The following IMPG2 variants were observed in gnomAD, a reference collection of about 807,000 sequenced individuals.
IMPG2 encodes interphotoreceptor matrix proteoglycan 2, also known as IPM 200.
Under a neutral mutation model 129.2 loss-of-function variants are expected in IMPG2, and 91 were observed. That is an observed-to-expected ratio of 0.70 (90% confidence interval 0.59 to 0.84). The LOEUF is 0.84. Ranked by LOEUF, IMPG2 falls within the 40% of genes least tolerant of loss-of-function variation. The pLI is 0.00. For synonymous variants in IMPG2, 510 were observed against 517.7 expected (o/e 0.99, Z 0.20); for missense variants, 1,430 against 1,461.7 (o/e 0.98, Z 0.35).
At chr3:101,320,033 T>A (rs1286134872) in intron 1 of IMPG2, among the ~76,000 whole-genome samples, 2 of 152,134 alleles carry the variant, frequency 1.3e-5, no homozygotes, top group African/African-American at 4.8e-5. Flanking sequence ...CATTCAAGAT[T>A]GTTATCAAAA....
At position 101,301,376 on chromosome 3, in the gene IMPG2, C is replaced by A. The variant is rs183416542; in HGVS notation, c.501+2770G>T. Among the ~76,000 whole-genome samples, 164 of 152,250 alleles carry A rather than the reference C, an allele frequency of 1.1e-3. No homozygotes were observed. The South Asian group carries it at 0.013, about 12-fold the overall frequency. On this transcript the variant is annotated intron_variant, in intron 3 of 18. Coordinates refer to ENST00000193391, the MANE Select transcript of IMPG2 (RefSeq NM_016247.4). ...TTGCTTGACACAGGGTTGTCATAAA[C>A]CTTTGATTTGTAAAAAATGCAGTAT...
Position 101,245,919 on chromosome 3 carries a change from G to T in IMPG2, c.1426C>A (p.Pro476Thr), listed in dbSNP as rs1387493597. Residue 476 changes from proline (P) to threonine (T), a missense_variant, in exon 12 of 19, where the codon CCA becomes ACA. Transcript: ENST00000193391. ...FPSKMGLSSS[P>T]EVLEVSSLTL... ...AAGCTGCTAACCTCTAAAACCTCTG[G>T]GGAAGAGCTGAGGCCCATCTTCGAG... 1 of 1,614,140 alleles carries T rather than the reference G, an allele frequency of 6.2e-7. No individual in the cohort carries two copies. Among genetic ancestry groups the T allele is most frequent in the Admixed American group, 1.7e-5 (1 of 60,006 alleles).
intron 12 of IMPG2, among the ~76,000 whole-genome samples, chr3:101,245,535 C>T (rs920454260): frequency 6.6e-6 from 1 of 152,142 alleles, no homozygotes; most frequent in African/African-American, 2.4e-5. Flanking sequence ...TTTAACTAAA[C>T]TATATACCCT....
chr3:101,268,439 G>A (rs756103100), intron 8 of IMPG2, among the ~76,000 whole-genome samples: 9 of 152,136 alleles, frequency 5.9e-5, no homozygotes, highest in Non-Finnish European at 1.2e-4. Context: ...ATGAGACTAG[G>A]TAAGTAGGAC....
chr3:101,277,118 C>T (rs1007512789), intron 4 of IMPG2, among the ~76,000 whole-genome samples: 1 of 152,174 alleles, frequency 6.6e-6, no homozygotes, highest in African/African-American at 2.4e-5. Flanking sequence ...AAGTTAAAAA[C>T]TCAGTTCCTC....
intron 12 of IMPG2, among the ~76,000 whole-genome samples, chr3:101,245,504 C>T (rs1378533464): frequency 6.6e-6 from 1 of 152,152 alleles, no homozygotes; most frequent in Non-Finnish European, 1.5e-5. Flanking sequence ...TAAAGTGGCT[C>T]TTTAATAGTA....
rs200046952 is a variant in IMPG2, at chr3:101,319,846, G to C, written c.86-14C>G. 6.2e-7 allele frequency: 1 copy of C among 1,608,264 alleles called. No individual in the cohort carries two copies. Among genetic ancestry groups the C allele is most frequent in the African/African-American group, 1.3e-5 (1 of 74,954 alleles). ...AGTAGGTTTGTGCTACAGAGTGAAA[G>C]TATAGTCAAGTCTTCGATAATGAAG... On this transcript the variant is annotated splice_polypyrimidine_tract_variant and intron_variant, in intron 1 of 18. Transcript: ENST00000193391.
chr3:101,301,777 T>G (rs1707141822), intron 3 of IMPG2, among the ~76,000 whole-genome samples: 1 of 152,210 alleles, frequency 6.6e-6, no homozygotes, highest in Admixed American at 6.5e-5. Context: ...TTTATCCTCT[T>G]TGGCCTGGAG....
intron 10 of IMPG2, among the ~76,000 whole-genome samples, chr3:101,256,554 T>C (rs183040598): frequency 3.0e-4 from 46 of 152,258 alleles, no homozygotes; most frequent in Non-Finnish European, 5.7e-4. Flanking sequence ...AACAAGCCTC[T>C]CTGGCTTCTC....
chr3:101,246,173 C>T, intron 11 of IMPG2, 68 bp from the exon 12 acceptor site: 1 of 1,458,424 alleles, frequency 6.9e-7, no homozygotes, highest in Non-Finnish European at 9.5e-7. Flanking sequence ...TTTTAAATAC[C>T]ACCTATCTGT....
chr3:101,236,244 C>G (rs929021827), intron 14 of IMPG2, among the ~76,000 whole-genome samples: 1 of 152,134 alleles, frequency 6.6e-6, no homozygotes, highest in Non-Finnish European at 1.5e-5. Flanking sequence ...CCCAGAAATA[C>G]TGAGGAGTTG....
In IMPG2 at chr3:101,249,273, T is replaced by G. The variant is rs142627264; in HGVS notation, c.1240-3168A>C. Among the ~76,000 whole-genome samples, 429 of 152,326 alleles carry G rather than the reference T, an allele frequency of 2.8e-3. 4 individuals carry two copies. The highest frequency in any genetic ancestry group is 9.9e-3 in the African/African-American group (413 of 41,570). On this transcript the variant is annotated intron_variant, in intron 11 of 18. Transcript: ENST00000193391. ...ATTCTGTTACTGTTGAGACCCTGGA[T>G]GAGTGATATTATGCAAATGTGCCAT...
At chr3:101,276,060 A>G (rs1250339838) in intron 5 of IMPG2, among the ~76,000 whole-genome samples, 1 of 152,216 alleles carries the variant, frequency 6.6e-6, no homozygotes, top group Non-Finnish European at 1.5e-5. Flanking sequence ...TACTAAAAGA[A>G]GTAACTCCTC....
chr3:101,285,260 A>G (rs1008675200), intron 4 of IMPG2, among the ~76,000 whole-genome samples: 10 of 152,172 alleles, frequency 6.6e-5, no homozygotes, highest in South Asian at 2.1e-4. Context: ...CTTTGCCCCA[A>G]GAGTACTGCC....
intron 9 of IMPG2, 93 bp downstream of exon 9, chr3:101,267,418 T>C: frequency 9.5e-7 from 1 of 1,048,140 alleles, no homozygotes; most frequent in East Asian, 2.4e-5. Context: ...AGTGATATAA[T>C]ATTTGAGTTA....
At chr3:101,314,294 G>T (rs2058772285) in intron 2 of IMPG2, among the ~76,000 whole-genome samples, 2 of 152,012 alleles carry the variant, frequency 1.3e-5, no homozygotes, top group Non-Finnish European at 2.9e-5. Flanking sequence ...CTCAAATATT[G>T]CATGGGACAT....
In IMPG2 at chr3:101,313,936, T is replaced by C. The variant is rs1381168126; in HGVS notation, c.334+5648A>G. 2.0e-5 allele frequency among the ~76,000 whole-genome samples: 3 copies of C among 152,220 alleles called. No individual in the cohort carries two copies. In the East Asian group the frequency reaches 5.8e-4, roughly 29 times the overall value. ...TACAAAAATCAGTTGTATTTCTATA[T>C]ACTAGCAAGGAATAATCAGAAATTA... is the stretch of plus-strand genomic sequence containing the variant. On this transcript the variant is annotated intron_variant, in intron 2 of 18. Coordinates refer to ENST00000193391, the MANE Select transcript of IMPG2 (RefSeq NM_016247.4).
In IMPG2 at chr3:101,319,606, A is replaced by G. The variant is rs780780062; in HGVS notation, c.312T>C (p.His104=). The G allele has an allele frequency of 6.8e-6, 11 of 1,613,546 alleles. No individual in the cohort carries two copies. The Admixed American group carries it at 1.7e-4, about 24-fold the overall frequency. The change falls in exon 2 of 19, where the codon CAT becomes CAC. Residue 104 remains histidine (H), a synonymous_variant. Transcript: ENST00000193391. The part of the protein sequence containing the change: ...DESVAEAVAN[H]VKYFKVRVCQ... ...TACCTCGGACTTTAAAATACTTCACATGATTTGCCACAGCCTCTGCAACAC... is the reference window on the plus strand; with the variant it reads ...TACCTCGGACTTTAAAATACTTCACGTGATTTGCCACAGCCTCTGCAACAC...
chr3:101,223,061 T>C lies in IMPG2; in HGVS notation c.*3908A>G, dbSNP rs1273001120. On this transcript the variant is annotated 3_prime_UTR_variant, in exon 19 of 19. Coordinates refer to ENST00000193391, the MANE Select transcript of IMPG2 (RefSeq NM_016247.4). ...GTCTCTTATTAACTCATAGCAGTAATGTAAGGTTTTACAAAATGCATGACT... is the reference window on the plus strand; with the variant it reads ...GTCTCTTATTAACTCATAGCAGTAACGTAAGGTTTTACAAAATGCATGACT... 1 of 152,232 alleles carries C rather than the reference T, an allele frequency of 6.6e-6. No individual in the cohort carries two copies. Among genetic ancestry groups the C allele is most frequent in the Non-Finnish European group, 1.5e-5 (1 of 68,046 alleles). The allele number at this position is 152,232 out of a possible 1,614,324, so 9.4% of individuals were successfully genotyped here.
Sources: allele counts gnomAD v4.1 joint callset (sites outside exome capture counted in the v4.1 genomes callset), GRCh38; gene constraint gnomAD v4.1.1; transcripts MANE v1.5; gene names NCBI Gene and HGNC (gene_info 2026-07-23, HGNC 2026-07-21).